INF2: variants seen among roughly 807,000 people sequenced by gnomAD.
INF2 encodes the protein inverted formin 2, also known as inverted formin-2.
Under a neutral mutation model 123.5 loss-of-function variants are expected in INF2, and 43 were observed. That is an observed-to-expected ratio of 0.35 (90% CI 0.27 to 0.45). INF2 has a LOEUF of 0.45. Ranked by LOEUF, INF2 falls within the 20% of genes least tolerant of loss-of-function variation. The pLI is 1.00. For missense variants in INF2, 1,453 were observed against 1,682.7 expected, an observed-to-expected ratio of 0.86 and a Z score of 2.39; for synonymous variants, 851 against 745.0, an observed-to-expected ratio of 1.14 and a Z score of -2.32.
Position 104,699,134 on chromosome 14 carries a change from G to A in INF2, c.-9-2223G>A, listed in dbSNP as rs1889346431. 6.6e-6 allele frequency among the ~76,000 whole-genome samples: 1 copy of A among 152,118 alleles called. No homozygotes were observed. The highest frequency in any genetic ancestry group is 1.5e-5 in the Non-Finnish European group (1 of 68,014). On this transcript the variant is annotated intron_variant, in intron 1 of 22. Coordinates refer to ENST00000392634, the MANE Select transcript of INF2 (RefSeq NM_022489.4). This position sits in a 1 kb window ranked among gnomAD's most constrained non-coding sequence, Gnocchi z 4.7. ...TGTCCAGGGACACCCTGGGGCCTGGGGCACGGTGGCTCTCGGCGGCACTGC... is the reference window on the plus strand; with the variant it reads ...TGTCCAGGGACACCCTGGGGCCTGGAGCACGGTGGCTCTCGGCGGCACTGC...
chr14:104,710,205 G>T lies in INF2; in HGVS notation c.2239+17G>T. On this transcript the variant is annotated intron_variant, in intron 13 of 22. Transcript: ENST00000392634. ...CCTGCGAAAGTGAGTGGGGCCAAGC[G>T]GGGCACGTGTGCAGGAGGGACAGGC... is the stretch of plus-strand genomic sequence containing the variant. 6.5e-7 allele frequency: 1 copy of T among 1,530,510 alleles called. No individual in the cohort carries two copies. The highest frequency in any genetic ancestry group is 8.8e-7 in the Non-Finnish European group (1 of 1,134,028). The allele number at this position is 1,530,510 out of a possible 1,614,324, so 94.8% of individuals were successfully genotyped here.
At chr14:104,694,789 G>T (rs541334976) in intron 1 of INF2, among the ~76,000 whole-genome samples, 29 of 152,304 alleles carry the variant, frequency 1.9e-4, no homozygotes, top group African/African-American at 6.7e-4. Flanking sequence ...GCAGCTGCTA[G>T]CGGGGATGTA....
In INF2 at chr14:104,721,201, C is replaced by T. The variant is rs1215793548; in HGVS notation, c.*2408C>T. The T allele has an allele frequency of 7.6e-6, 1 of 131,550 alleles. No individual in the cohort carries two copies. The highest frequency in any genetic ancestry group is 1.6e-5 in the Non-Finnish European group (1 of 61,798). 8.1% of individuals were successfully genotyped at this position (131,550 alleles called of 1,614,324 possible). On this transcript the variant is annotated 3_prime_UTR_variant, in exon 23 of 23. Coordinates refer to ENST00000392634, the MANE Select transcript of INF2 (RefSeq NM_022489.4). ...GCTGCTATGGACGTCTGCGTAGTCT[C>T]GTGTGGATGCTGCTGTGGACGTCTG... is the stretch of plus-strand genomic sequence containing the variant.
chr14:104,712,690 C>A, intron 17 of INF2, 137 bp downstream of exon 17: 1 of 1,494,156 alleles, frequency 6.7e-7, no homozygotes, highest in Non-Finnish European at 9.1e-7. Context: ...GGTCAGGGCA[C>A]AGGCCCCTGC....
At chr14:104,710,376 C>T (rs751937477) in intron 13 of INF2, among the ~76,000 whole-genome samples, 188 bp downstream of exon 13, 3 of 152,140 alleles carry the variant, frequency 2.0e-5, no homozygotes, top group South Asian at 4.1e-4. Context: ...ACCTACTGGA[C>T]GCACAGACAC....
At chr14:104,685,707 G>A (rs1432231913), upstream of INF2, among the ~76,000 whole-genome samples, 1 of 150,206 alleles carries the variant, frequency 6.7e-6, no homozygotes, top group Non-Finnish European at 1.5e-5. Flanking sequence ...GGATGTGTTG[G>A]TGGATAGGTG....
intron 2 of INF2, 56 bp from the exon 3 acceptor site, chr14:104,703,049 C>A: frequency 7.1e-7 from 1 of 1,416,590 alleles, no homozygotes. Flanking sequence ...CCCAGCTGCA[C>A]AGGCATGGGA....
In INF2 at chr14:104,703,296, C is replaced by T. The variant is rs767698763; in HGVS notation, c.509C>T (p.Thr170Met). ...LTLDALDHYK[T>M]VCSQQYRFSI... ...GCCCTGACCCCGCCCTCCCCACAGA[C>T]GGTGTGCAGCCAGCAGTACCGCTTC... The change falls in exon 4 of 23, where the codon ACG becomes ATG. Residue 170 changes from threonine to methionine, a missense_variant and splice_region_variant. By Grantham distance (81) the Thr-to-Met change is moderately conservative (BLOSUM62 -1). This residue lies in a region of INF2 where 251 missense variants were observed against 349.4 expected (regional missense o/e 0.72). Coordinates refer to ENST00000392634, the MANE Select transcript of INF2 (RefSeq NM_022489.4). 48 of 1,612,948 alleles carry T rather than the reference C, an allele frequency of 3.0e-5. No individual in the cohort carries two copies. Among genetic ancestry groups the T allele is most frequent in the Non-Finnish European group, 3.6e-5 (42 of 1,179,934 alleles).
chr14:104,705,644 G>A (rs1387696442), intron 5 of INF2, among the ~76,000 whole-genome samples: 1 of 152,184 alleles, frequency 6.6e-6, no homozygotes, highest in East Asian at 1.9e-4. Context: ...CCTCAGGTGT[G>A]GTCTTCACTG....
At position 104,713,554 on chromosome 14, in the gene INF2, C is replaced by T. The variant is rs1047869757; in HGVS notation, c.2988C>T (p.Thr996=). ...LRKTARGRGD[T]DGGSKAASMD... ...AGACAGCCCGGGGCCGCGGGGACAC[C>T]GACGGGGGCAGCAAGGCAGCCTCCA... The change falls in exon 20 of 23, where the codon ACC becomes ACT. Residue 996 remains threonine, a synonymous_variant. Transcript: ENST00000392634. 7 of 1,611,964 alleles carry T rather than the reference C, an allele frequency of 4.3e-6. No individual in the cohort carries two copies. The highest frequency in any genetic ancestry group is 1.1e-5 in the South Asian group (1 of 90,896).
chr14:104,684,293 G>C lies in INF2; in HGVS notation c.-104+2711G>C. 1 of 378,802 alleles carries C rather than the reference G, an allele frequency of 2.6e-6. No homozygotes were observed. The highest frequency in any genetic ancestry group is 2.0e-5 in the South Asian group (1 of 51,142). The allele number at this position is 378,802 out of a possible 1,614,324, so 23.5% of individuals were successfully genotyped here. A position where few individuals can be genotyped will look rare whatever the true frequency, so the allele number is the denominator to read the frequency against. On this transcript the variant is annotated intron_variant, in intron 1 of 2. Coordinates refer to the INF2 transcript ENST00000674723. The surrounding 1 kb of genome is among the most constrained non-coding windows in gnomAD (Gnocchi z 5.0). The stretch of plus-strand genomic sequence containing the variant: ...GGGAGGTGGACTGCGTCTCCCGAGG[G>C]CCAGCACTGGCTTAGCCTGCTCAGT...
At chr14:104,686,134 G>A (rs1327691495), upstream of INF2, among the ~76,000 whole-genome samples, 7 of 150,230 alleles carry the variant, frequency 4.7e-5, no homozygotes, top group Non-Finnish European at 1.0e-4. Context: ...ATGGGTAGGT[G>A]GATGGGTAGA....
chr14:104,692,479 C>T (rs983564989), intron 1 of INF2, among the ~76,000 whole-genome samples: 3 of 152,218 alleles, frequency 2.0e-5, no homozygotes, highest in African/African-American at 7.2e-5. Context: ...CGAGGCCCCC[C>T]AGCCCTTGTT....
chr14:104,692,731 G>A (rs1403345703), intron 1 of INF2, among the ~76,000 whole-genome samples: 2 of 152,246 alleles, frequency 1.3e-5, no homozygotes, highest in East Asian at 1.9e-4. Flanking sequence ...CAGCCTGGGT[G>A]GAATGACCAG....
At chr14:104,704,279 GAGGGAACTAC>G in intron 5 of INF2, 1 of 968,418 alleles carries the variant, frequency 1.0e-6, no homozygotes, top group Non-Finnish European at 1.4e-6. Flanking sequence ...ATGCCAATAA[GAGGGAACTAC>G]AGGGTGGTTC....
Position 104,707,655 on chromosome 14 carries a change from T to G in INF2, c.1388T>G (p.Leu463Arg). The G allele has an allele frequency of 5.6e-6, 2 of 357,348 alleles. No individual in the cohort carries two copies. Among genetic ancestry groups the G allele is most frequent in the Non-Finnish European group, 4.6e-6 (1 of 219,302 alleles). 22.1% of individuals were successfully genotyped at this position (357,348 alleles called of 1,614,324 possible). The change falls in exon 8 of 23, where the codon CTG becomes CGG. Residue 463 changes from leucine to arginine, a missense_variant. By Grantham distance (102) the Leu-to-Arg change is moderately radical (BLOSUM62 -2). Transcript: ENST00000392634. ...ALPTAPPPPP[L>R]PGLGAMAPPA... ...CCAACAGCACCCCCGCCCCCACCCC[T>G]GCCAGGCCTGGGGGCCATGGCCCCC...
Position 104,708,770 on chromosome 14 carries a change from G to A in INF2, c.1949+38G>A, listed in dbSNP as rs867158009. 4 of 1,603,524 alleles carry A rather than the reference G, an allele frequency of 2.5e-6. No homozygotes were observed. The Admixed American group carries it at 5.0e-5, about 20-fold the overall frequency. ...GGTAGCCCCCATCCCAGGCCACGGA[G>A]CCTCGCCTCCACCTGAGCCTTCTGA... On this transcript the variant is annotated intron_variant, in intron 10 of 22. Transcript: ENST00000392634.
In INF2 at chr14:104,699,674, TC is replaced by T; in HGVS notation, c.-9-1681del. On this transcript the variant is annotated intron_variant, in intron 1 of 22. Coordinates refer to ENST00000392634, the MANE Select transcript of INF2 (RefSeq NM_022489.4). This position sits in a 1 kb window ranked among gnomAD's most constrained non-coding sequence, Gnocchi z 4.7. ...CTTAAAACCACAGTGCACCGGGGGC[TC>T]CGGGCTCTCCGTTCTACAGTGCCCA... is the stretch of plus-strand genomic sequence containing the variant. The T allele has an allele frequency of 1.3e-6, 1 of 795,730 alleles. No homozygotes were observed. Among genetic ancestry groups the T allele is most frequent in the Non-Finnish European group, 1.5e-6 (1 of 657,088 alleles). The allele number at this position is 795,730 out of a possible 1,614,324, so 49.3% of individuals were successfully genotyped here.
intron 4 of INF2, 133 bp from the exon 5 acceptor site, chr14:104,703,783 C>T: frequency 6.9e-7 from 1 of 1,459,814 alleles, no homozygotes; most frequent in Non-Finnish European, 9.5e-7. Flanking sequence ...ATGATGTCTC[C>T]CCTCCAGAGC....
Sources: allele counts gnomAD v4.1 joint callset (sites outside exome capture counted in the v4.1 genomes callset), GRCh38; gene constraint gnomAD v4.1.1; regional missense constraint gnomAD v4.1.1; non-coding constraint Gnocchi (gnomAD v3.1); transcripts MANE v1.5; gene names NCBI Gene and HGNC (gene_info 2026-07-23, HGNC 2026-07-21).